Variants in GALNT2 observed in about 807,000 individuals in gnomAD.
GALNT2 encodes polypeptide N-acetylgalactosaminyltransferase 2, also known as UDP-GalNAc:polypeptide N-acetylgalactosaminyltransferase 2.
A neutral mutation model predicts 81.4 loss-of-function variants in GALNT2; 31 were observed. The observed-to-expected ratio is 0.38, with a 90% CI of 0.29 to 0.51. The LOEUF (loss-of-function observed/expected upper bound fraction) is 0.51, where lower values mean the gene tolerates loss of function less well. Among genes scored for constraint, GALNT2 ranks in the 20% least tolerant of loss-of-function variants. The pLI is 0.87. For missense variants in GALNT2, 629 were observed against 765.7 expected, an observed-to-expected ratio of 0.82 and a Z score of 2.11; for synonymous variants, 303 against 287.4, an observed-to-expected ratio of 1.05 and a Z score of -0.55.
chr1:230,066,894 G>GGGGC (rs1336583075), upstream of GALNT2, among the ~76,000 whole-genome samples: 2 of 151,378 alleles, frequency 1.3e-5, no homozygotes, highest in African/African-American at 2.4e-5. Flanking sequence ...AGCACGCTGA[G>GGGGC]GGGCGGGCGG....
intron 11 of GALNT2, chr1:230,258,801 A>C (rs1426259649): frequency 6.6e-6 from 1 of 152,254 alleles, no homozygotes; most frequent in African/African-American, 2.4e-5. Context: ...CTGGGGCAGC[A>C]TGAGATTCTT....
chr1:230,075,738 A>G (rs927852852), intron 1 of GALNT2, among the ~76,000 whole-genome samples: 2 of 152,148 alleles, frequency 1.3e-5, no homozygotes, highest in African/African-American at 4.8e-5. Flanking sequence ...TCGTGTGCAG[A>G]AAGGTGCTGT....
At chr1:230,095,611 T>A (rs1311909017) in intron 1 of GALNT2, among the ~76,000 whole-genome samples, 2 of 124,972 alleles carry the variant, frequency 1.6e-5, no homozygotes, top group African/African-American at 5.4e-5. Flanking sequence ...GTGACTCCAG[T>A]GTCCTGTGGT....
intron 1 of GALNT2, among the ~76,000 whole-genome samples, chr1:230,174,148 G>A (rs565590769): frequency 9.1e-4 from 139 of 152,326 alleles, no homozygotes; most frequent in Non-Finnish European, 1.8e-3. Flanking sequence ...GAGGCATTGA[G>A]CCCAGCCTCC....
intron 1 of GALNT2, among the ~76,000 whole-genome samples, chr1:230,089,292 G>A (rs1248916465): frequency 1.3e-5 from 2 of 151,864 alleles, no homozygotes; most frequent in African/African-American, 2.4e-5. Context: ...GACTACAGGT[G>A]CACACCACCA....
intron 2 of GALNT2, among the ~76,000 whole-genome samples, chr1:230,200,200 T>C (rs904874140): frequency 1.3e-5 from 2 of 151,914 alleles, no homozygotes; most frequent in African/African-American, 4.8e-5. Flanking sequence ...GTAGCTGGGA[T>C]TACAGGCGCC....
In GALNT2 at chr1:230,096,909, T is replaced by G. The variant is rs569462455; in HGVS notation, c.126+29503T>G. 1.2e-4 allele frequency among the ~76,000 whole-genome samples: 19 copies of G among 152,342 alleles called. No individual in the cohort carries two copies. The South Asian group carries it at 3.7e-3, about 30-fold the overall frequency. ...TAAATAGATTCTGCAGAATGAGTAA[T>G]TCCTTCATTTCTGTCTGAATGGTTT... On this transcript the variant is annotated intron_variant, in intron 1 of 15. Coordinates refer to ENST00000366672, the MANE Select transcript of GALNT2 (RefSeq NM_004481.5).
chr1:230,231,779 G>A (rs976223552), intron 3 of GALNT2, among the ~76,000 whole-genome samples: 1 of 152,130 alleles, frequency 6.6e-6, no homozygotes, highest in Non-Finnish European at 1.5e-5. Context: ...TACCGAACAG[G>A]AAGTTTGCAG....
upstream of GALNT2, among the ~76,000 whole-genome samples, chr1:230,065,032 A>G (rs912456994): frequency 6.6e-6 from 1 of 152,120 alleles, no homozygotes; most frequent in African/African-American, 2.4e-5. Context: ...GTACATTTAA[A>G]TTTTCCCTTA....
intron 1 of GALNT2, among the ~76,000 whole-genome samples, chr1:230,170,205 C>T (rs1240191087): frequency 6.6e-6 from 1 of 152,204 alleles, no homozygotes; most frequent in Non-Finnish European, 1.5e-5. Flanking sequence ...GTAGGCTGAT[C>T]TTACTTCTCT....
At chr1:230,259,316 A>G (rs957684004) in intron 11 of GALNT2, among the ~76,000 whole-genome samples, 1 of 152,224 alleles carries the variant, frequency 6.6e-6, no homozygotes. Flanking sequence ...TTTGTTTTAT[A>G]TAGACCTTAT....
At chr1:230,194,785 G>A (rs778730707) in intron 2 of GALNT2, among the ~76,000 whole-genome samples, 5 of 152,238 alleles carry the variant, frequency 3.3e-5, no homozygotes, top group Non-Finnish European at 4.4e-5. Context: ...TTTCATTACT[G>A]AAGTGCACTG....
At chr1:230,097,237 C>T (rs950253435) in intron 1 of GALNT2, among the ~76,000 whole-genome samples, 3 of 152,148 alleles carry the variant, frequency 2.0e-5, no homozygotes, top group South Asian at 2.1e-4. Flanking sequence ...AATATATTTC[C>T]TTATTTTTTT....
Position 230,250,513 on chromosome 1 carries a change from T to C in GALNT2, c.962T>C (p.Leu321Pro). 6.2e-7 allele frequency: 1 copy of C among 1,613,898 alleles called. No homozygotes were observed. The highest frequency in any genetic ancestry group is 8.5e-7 in the Non-Finnish European group (1 of 1,179,922). ...FVMDKFYFEE[L>P]GKYDMMMDVW... The stretch of plus-strand genomic sequence containing the variant: ...ATGGATAAGTTCTATTTTGAAGAAC[T>C]GGGGAAGTACGACATGATGATGGAT... The change falls in exon 10 of 16, where the codon CTG (leucine) becomes CCG (proline). Residue 321 changes from leucine (L) to proline (P), a missense_variant. Coordinates refer to ENST00000366672, the MANE Select transcript of GALNT2 (RefSeq NM_004481.5).
upstream of GALNT2, among the ~76,000 whole-genome samples, chr1:230,066,990 G>A (rs1394098194): frequency 8.7e-5 from 13 of 148,902 alleles, no homozygotes. Context: ...CCCGCGGCCC[G>A]CGCCCCGGCC....
chr1:230,265,127 T>G (rs1451527113), intron 13 of GALNT2, 114 bp from the exon 14 acceptor site: 1 of 1,395,960 alleles, frequency 7.2e-7, no homozygotes, highest in Non-Finnish European at 1.0e-6. Context: ...GCCTAGTCAC[T>G]GGGTCTTTCT....
chr1:230,058,147 A>G, intron 1 of GALNT2: 1 of 455,632 alleles, frequency 2.2e-6, no homozygotes, highest in Non-Finnish European at 4.4e-6. Context: ...GTCTTTAACC[A>G]TGAGTCTCCT....
chr1:230,273,205 A>G (rs1666198638), intron 14 of GALNT2, among the ~76,000 whole-genome samples: 1 of 152,244 alleles, frequency 6.6e-6, no homozygotes, highest in Admixed American at 6.5e-5. Flanking sequence ...ACCAAGAAAA[A>G]AACAGTGTCT....
intron 15 of GALNT2, among the ~76,000 whole-genome samples, chr1:230,278,842 G>T (rs1176566857): frequency 1.3e-5 from 2 of 152,216 alleles, no homozygotes; most frequent in African/African-American, 4.8e-5. Context: ...GCATGGAGGT[G>T]CCCAGACCAA....
Sources: allele counts gnomAD v4.1 joint callset (sites outside exome capture counted in the v4.1 genomes callset), GRCh38; gene constraint gnomAD v4.1.1; transcripts MANE v1.5; gene names NCBI Gene and HGNC (gene_info 2026-07-23, HGNC 2026-07-21).